The following NRXN3 variants were observed in gnomAD, a reference collection of about 807,000 sequenced individuals.
NRXN3 encodes neurexin 3, also known as neurexin III.
Under a neutral mutation model 137.6 loss-of-function variants are expected in NRXN3, and 32 were observed. That is an observed-to-expected ratio of 0.23 (90% CI 0.18 to 0.31). The LOEUF (loss-of-function observed/expected upper bound fraction) is 0.31. NRXN3 is among the 10% of genes least tolerant of loss of function. The pLI is 1.00. For synonymous variants in NRXN3, 798 were observed against 784.5 expected (o/e 1.02, Z -0.29); for missense variants, 1,574 against 2,062.5 (o/e 0.76, Z 4.59).
At chr14:79,181,922 A>T in intron 15 of NRXN3, among the ~76,000 whole-genome samples, 1 of 152,050 alleles carries the variant, frequency 6.6e-6, no homozygotes, top group East Asian at 1.9e-4. Context: ...GAAGGAGTAA[A>T]CATGACTTGG....
chr14:79,595,036 T>G (rs2097847040), intron 16 of NRXN3, among the ~76,000 whole-genome samples: 1 of 152,232 alleles, frequency 6.6e-6, no homozygotes, highest in Non-Finnish European at 1.5e-5. Flanking sequence ...ATACCTCAGC[T>G]GAAAATTGGC....
intron 8 of NRXN3, among the ~76,000 whole-genome samples, chr14:78,758,274 A>T (rs1595571474): frequency 6.6e-6 from 1 of 152,310 alleles, no homozygotes; most frequent in East Asian, 1.9e-4. Flanking sequence ...AGACAATGGG[A>T]CTACTCTAAT....
At chr14:79,596,778 G>T (rs77024469) in intron 16 of NRXN3, among the ~76,000 whole-genome samples, 3 of 151,978 alleles carry the variant, frequency 2.0e-5, no homozygotes, top group Admixed American at 6.6e-5. Context: ...TTCTGGACTG[G>T]GATGTTATTT....
chr14:79,773,234 T>A (rs890721510), intron 19 of NRXN3, among the ~76,000 whole-genome samples: 1 of 152,076 alleles, frequency 6.6e-6, no homozygotes, highest in Admixed American at 6.6e-5. Flanking sequence ...TCCTCAGGGA[T>A]CAAGAACTAG....
intron 10 of NRXN3, among the ~76,000 whole-genome samples, chr14:78,864,827 C>T (rs1407444171): frequency 1.3e-5 from 2 of 152,056 alleles, no homozygotes; most frequent in African/African-American, 4.8e-5. Flanking sequence ...GGAAACTTAG[C>T]AAGGCCTATT....
chr14:79,781,487 G>GA (rs1273208169), intron 19 of NRXN3, among the ~76,000 whole-genome samples: 2 of 152,344 alleles, frequency 1.3e-5, no homozygotes, highest in African/African-American at 4.8e-5. Context: ...CATGCTTCAT[G>GA]AAAGTATATA....
chr14:78,652,258 C>G (rs894228248), intron 6 of NRXN3, among the ~76,000 whole-genome samples: 4 of 152,192 alleles, frequency 2.6e-5, no homozygotes, highest in African/African-American at 9.7e-5. Context: ...TCTTCTTCTT[C>G]CCTGAGAGCT....
chr14:79,759,034 A>C (rs1445124474), intron 19 of NRXN3, among the ~76,000 whole-genome samples: 1 of 152,194 alleles, frequency 6.6e-6, no homozygotes, highest in Non-Finnish European at 1.5e-5. Flanking sequence ...CTCTTGGAGG[A>C]AAAGACATTG....
At chr14:79,081,167 T>C (rs535866791) in intron 15 of NRXN3, among the ~76,000 whole-genome samples, 4 of 152,310 alleles carry the variant, frequency 2.6e-5, no homozygotes, top group South Asian at 4.1e-4. Flanking sequence ...GATAATACAA[T>C]TGAGATCCAG....
intron 4 of NRXN3, among the ~76,000 whole-genome samples, chr14:78,405,476 C>T (rs1004907249): frequency 1.3e-5 from 2 of 152,150 alleles, no homozygotes; most frequent in South Asian, 4.1e-4. Flanking sequence ...ATTATTTTCT[C>T]AGCTGCAAAA....
At chr14:78,399,744 C>T (rs1037795674) in intron 4 of NRXN3, among the ~76,000 whole-genome samples, 6 of 152,160 alleles carry the variant, frequency 3.9e-5, no homozygotes, top group Admixed American at 2.0e-4. Context: ...TCTAGCTATT[C>T]GCTAGTCTGG....
At chr14:79,086,821 G>A (rs2048204581) in intron 15 of NRXN3, among the ~76,000 whole-genome samples, 1 of 152,308 alleles carries the variant, frequency 6.6e-6, no homozygotes, top group African/African-American at 2.4e-5. Context: ...CAAGATGTTA[G>A]ATGTTCTTCA....
chr14:79,621,588 C>T (rs964663441), intron 16 of NRXN3, among the ~76,000 whole-genome samples: 5 of 152,162 alleles, frequency 3.3e-5, no homozygotes, highest in African/African-American at 7.2e-5. Flanking sequence ...AAGGGACAGA[C>T]TCTTGGGAGG....
intron 8 of NRXN3, among the ~76,000 whole-genome samples, chr14:78,722,571 A>G (rs977564844): frequency 1.1e-4 from 16 of 152,254 alleles, no homozygotes; most frequent in Middle Eastern, 3.4e-3. Context: ...AAGTTAAAAG[A>G]CCTACTATTT....
chr14:78,324,421 G>A (rs956612801), intron 4 of NRXN3, among the ~76,000 whole-genome samples: 6 of 152,004 alleles, frequency 3.9e-5, no homozygotes, highest in Admixed American at 2.6e-4. Flanking sequence ...GTCAGAAAGT[G>A]GGAAGAAAAA....
intron 15 of NRXN3, among the ~76,000 whole-genome samples, chr14:79,427,036 G>C (rs1171530042): frequency 6.6e-6 from 1 of 152,064 alleles, no homozygotes; most frequent in East Asian, 1.9e-4. Context: ...ACTATTATTT[G>C]ATCAGTTTTT....
intron 10 of NRXN3, among the ~76,000 whole-genome samples, chr14:78,888,031 G>T (rs2099148529): frequency 6.6e-6 from 1 of 152,040 alleles, no homozygotes; most frequent in Non-Finnish European, 1.5e-5. Context: ...TGGCATTCGG[G>T]AGTGGCAGAC....
intron 10 of NRXN3, among the ~76,000 whole-genome samples, chr14:78,815,286 G>A (rs1346123681): frequency 6.6e-6 from 1 of 152,132 alleles, no homozygotes; most frequent in Non-Finnish European, 1.5e-5. Context: ...ATTTGTGTCA[G>A]AGAATAGCTT....
intron 15 of NRXN3, among the ~76,000 whole-genome samples, chr14:79,463,809 G>C (rs935210104): frequency 6.6e-6 from 1 of 152,110 alleles, no homozygotes; most frequent in Non-Finnish European, 1.5e-5. Context: ...GCTCAGGGGA[G>C]AAAGCATGTA....
Sources: gnomAD v4.1 joint callset for allele counts (sites outside exome capture counted in the v4.1 genomes callset) on GRCh38, gnomAD v4.1.1 for gene constraint, MANE v1.5 for transcripts, NCBI Gene and HGNC (gene_info 2026-07-23, HGNC 2026-07-21) for gene names.